The following RTN4IP1 variants were observed in gnomAD, a reference collection of about 807,000 sequenced individuals.
The protein encoded by RTN4IP1 is NAD(P)H oxidoreductase RTN4IP1, mitochondrial.
Under a neutral mutation model 46.6 loss-of-function variants are expected in RTN4IP1, and 32 were observed. The ratio of observed to expected loss-of-function variants is 0.69; its 90% CI spans 0.52 to 0.92. The LOEUF (loss-of-function observed/expected upper bound fraction) is 0.92, where lower values mean the gene tolerates loss of function less well. Ranked by LOEUF, RTN4IP1 falls within the 40% of genes least tolerant of loss-of-function variation. The probability of loss-of-function intolerance (pLI) is 0.00; values close to 1 mark genes in which losing one functional copy is unlikely to be tolerated. For missense variants in RTN4IP1, 424 were observed against 485.8 expected (o/e 0.87, Z 1.20); for synonymous variants, 167 against 161.8 (o/e 1.03, Z -0.24).
upstream of RTN4IP1, among the ~76,000 whole-genome samples, chr6:106,630,090 T>C (rs1776786527): frequency 6.6e-6 from 1 of 152,148 alleles, no homozygotes; most frequent in African/African-American, 2.4e-5. Flanking sequence ...GGCGAAACTG[T>C]AGTTTGCAAA....
chr6:106,582,603 C>T (rs1231432068), intron 8 of RTN4IP1, among the ~76,000 whole-genome samples: 1 of 152,158 alleles, frequency 6.6e-6, no homozygotes, highest in Non-Finnish European at 1.5e-5. Flanking sequence ...TCCATATAAT[C>T]TCTCAATAAC....
At chr6:106,628,608 G>C (rs1776719839) in intron 1 of RTN4IP1, 140 bp downstream of exon 1, 1 of 746,578 alleles carries the variant, frequency 1.3e-6, no homozygotes, top group African/African-American at 1.8e-5. Flanking sequence ...CAAAAATTTT[G>C]GAAATATTTG....
At chr6:106,607,275 A>G (rs1339824120) in intron 4 of RTN4IP1, among the ~76,000 whole-genome samples, 1 of 150,694 alleles carries the variant, frequency 6.6e-6, no homozygotes, top group Admixed American at 6.8e-5. Context: ...AGACTTAAAC[A>G]TAAGACCCAA....
intron 4 of RTN4IP1, among the ~76,000 whole-genome samples, chr6:106,609,944 C>T (rs998968966): frequency 1.3e-5 from 2 of 152,216 alleles, no homozygotes; most frequent in Admixed American, 6.5e-5. Flanking sequence ...ATGAATGAAG[C>T]GCTGTTAGCT....
At position 106,622,839 on chromosome 6, in the gene RTN4IP1, T is replaced by C. The variant is rs752753241; in HGVS notation, c.405A>G (p.Lys135=). The C allele has an allele frequency of 1.2e-6, 2 of 1,613,646 alleles. No individual in the cohort carries two copies. Among genetic ancestry groups the C allele is most frequent in the South Asian group, 2.2e-5 (2 of 90,992 alleles). Residue 135 remains lysine, a synonymous_variant, in exon 2 of 9, where the codon AAA becomes AAG. Transcript: ENST00000369063. ...TCACCTCATCTCCAGGCTTGAAGTA[T>C]TTCACATCAAGCCCACATTCCATCA... is the stretch of plus-strand genomic sequence containing the variant. The part of the protein sequence containing the change: ...GVVMECGLDV[K]YFKPGDEVWA...
intron 5 of RTN4IP1, 39 bp downstream of exon 5, chr6:106,602,835 C>T (rs1775978602): frequency 7.0e-7 from 1 of 1,426,728 alleles, no homozygotes; most frequent in Non-Finnish European, 9.6e-7. Flanking sequence ...TTCATGCAAA[C>T]AAAATCCTCC....
At chr6:106,589,193 A>G (rs868187888) in intron 6 of RTN4IP1, among the ~76,000 whole-genome samples, 5 of 2,748 alleles carry the variant, frequency 1.8e-3, no homozygotes, top group Non-Finnish European at 2.3e-3. Flanking sequence ...AGGAGGGAGG[A>G]GGAGGAGGGA....
At chr6:106,619,469 C>G in intron 3 of RTN4IP1, 143 bp from the exon 4 acceptor site, 1 of 885,286 alleles carries the variant, frequency 1.1e-6, no homozygotes, top group Non-Finnish European at 1.7e-6. Flanking sequence ...ACGTGGATTT[C>G]CTGCCTCTGC....
chr6:106,619,452 C>T, intron 3 of RTN4IP1, 126 bp from the exon 4 acceptor site: 1 of 1,096,786 alleles, frequency 9.1e-7, no homozygotes, highest in Non-Finnish European at 1.3e-6. Context: ...TGTGCAAGTC[C>T]ACTTATACGT....
intron 8 of RTN4IP1, among the ~76,000 whole-genome samples, chr6:106,573,074 A>T (rs1183014918): frequency 1.3e-5 from 2 of 152,240 alleles, no homozygotes; most frequent in African/African-American, 4.8e-5. Context: ...AATTTACAAG[A>T]AAGTCATTCC....
upstream of RTN4IP1, chr6:106,629,577 C>T (rs1776760634): frequency 2.2e-6 from 3 of 1,390,084 alleles, no homozygotes; most frequent in East Asian, 7.5e-5. Flanking sequence ...TTGAAGGGCT[C>T]AGTGACAATT....
At chr6:106,583,301 C>T in intron 8 of RTN4IP1, 27 bp downstream of exon 8, 1 of 1,588,634 alleles carries the variant, frequency 6.3e-7, no homozygotes, top group Non-Finnish European at 8.6e-7. Flanking sequence ...ACAAAGGCTT[C>T]CAATCCAGGT....
chr6:106,596,854 G>C (rs1412883329), intron 5 of RTN4IP1, among the ~76,000 whole-genome samples: 1 of 152,094 alleles, frequency 6.6e-6, no homozygotes, highest in Non-Finnish European at 1.5e-5. Context: ...GGCCTGTTTT[G>C]TTGTATAAAA....
Position 106,571,805 on chromosome 6 carries a change from C to A in RTN4IP1, c.*191G>T. 5.9e-6 allele frequency: 3 copies of A among 505,026 alleles called. No homozygotes were observed. Among genetic ancestry groups the A allele is most frequent in the Non-Finnish European group, 7.1e-6 (2 of 282,248 alleles). The allele number at this position is 505,026 out of a possible 1,614,324, so 31.3% of individuals were successfully genotyped here. A position where few individuals can be genotyped will look rare whatever the true frequency, so the allele number is the denominator to read the frequency against. On this transcript the variant is annotated 3_prime_UTR_variant, in exon 9 of 9. Coordinates refer to ENST00000369063, the MANE Select transcript of RTN4IP1 (RefSeq NM_032730.5). The stretch of plus-strand genomic sequence containing the variant: ...AAAAACTTCGAATTTCTACTGACTA[C>A]AGACAAATCCAAGTGCTGATATTTT...
intron 7 of RTN4IP1, among the ~76,000 whole-genome samples, chr6:106,587,455 A>G (rs947550290): frequency 1.3e-5 from 2 of 152,232 alleles, no homozygotes; most frequent in Non-Finnish European, 2.9e-5. Context: ...GCCTCATTTT[A>G]CAGGGGAAGA....
chr6:106,580,046 C>G (rs979890372), intron 8 of RTN4IP1, among the ~76,000 whole-genome samples: 10 of 151,874 alleles, frequency 6.6e-5, no homozygotes, highest in Admixed American at 5.9e-4. Flanking sequence ...AACCCCATCT[C>G]TACTAAAGAT....
intron 5 of RTN4IP1, 69 bp downstream of exon 5, chr6:106,602,805 A>C (rs1451981116): frequency 1.9e-6 from 2 of 1,069,408 alleles, no homozygotes; most frequent in African/African-American, 3.3e-5. Context: ...AAGGAGAAAT[A>C]ATGTATCTTA....
Position 106,628,970 on chromosome 6 carries a change from A to G in RTN4IP1, c.52T>C (p.Cys18Arg). The G allele has an allele frequency of 6.2e-7, 1 of 1,614,146 alleles. No individual in the cohort carries two copies. Among genetic ancestry groups the G allele is most frequent in the Non-Finnish European group, 8.5e-7 (1 of 1,180,020 alleles). The change falls in exon 1 of 9, where the codon TGC (cysteine) becomes CGC (arginine). Residue 18 changes from cysteine (C) to arginine (R), a missense_variant. Physicochemically the swap from Cys to Arg is radical, Grantham distance 180 (BLOSUM62 -3). Transcript: ENST00000369063. ...VLRRNACTAV[C>R]FWRSKVVQKP... ...TGGACAACTTTGCTTCTCCAGAAGC[A>G]AACCGCAGTGCATGCATTTCTTCTA...
intron 4 of RTN4IP1, among the ~76,000 whole-genome samples, chr6:106,611,315 A>G (rs754129751): frequency 1.9e-4 from 29 of 152,276 alleles, no homozygotes; most frequent in Admixed American, 3.3e-4. Context: ...ATTTAAGCTT[A>G]TATTTTGTTT....
Sources: gnomAD v4.1 joint callset for allele counts (sites outside exome capture counted in the v4.1 genomes callset) on GRCh38, gnomAD v4.1.1 for gene constraint, MANE v1.5 for transcripts, NCBI Gene and HGNC (gene_info 2026-07-23, HGNC 2026-07-21) for gene names.